The following TOP1 variants were observed in gnomAD, a reference collection of about 807,000 sequenced individuals.
The protein encoded by TOP1 is DNA topoisomerase 1.
TOP1 carries 10 observed loss-of-function variants against 111.1 expected under a neutral mutation model. The ratio of observed to expected loss-of-function variants is 0.09; its 90% CI spans 0.06 to 0.15. The LOEUF (loss-of-function observed/expected upper bound fraction) is 0.15. Ranked by LOEUF, TOP1 falls within the 10% of genes least tolerant of loss-of-function variation. The probability of loss-of-function intolerance (pLI) is 1.00; values close to 1 mark genes in which losing one functional copy is unlikely to be tolerated. For synonymous variants in TOP1, 271 were observed against 302.9 expected (o/e 0.89, Z 1.10); for missense variants, 474 against 926.7 (o/e 0.51, Z 6.34).
intron 2 of TOP1, among the ~76,000 whole-genome samples, chr20:41,052,285 G>A (rs2033415359): frequency 6.6e-6 from 1 of 152,316 alleles, no homozygotes; most frequent in East Asian, 1.9e-4. Flanking sequence ...CCTCTGTGCT[G>A]CTCTGCAGTG....
At chr20:41,088,444 A>G (rs926023716) in intron 8 of TOP1, among the ~76,000 whole-genome samples, 6 of 152,284 alleles carry the variant, frequency 3.9e-5, no homozygotes, top group South Asian at 4.1e-4. Context: ...TGGAGCTTGC[A>G]GTGAGCGGAG....
At position 41,092,665 on chromosome 20, in the gene TOP1, A is replaced by T; in HGVS notation, c.730+78A>T. 1 of 710,598 alleles carries T rather than the reference A, an allele frequency of 1.4e-6. No individual in the cohort carries two copies. The highest frequency in any genetic ancestry group is 1.9e-5 in the South Asian group (1 of 51,864). 44.0% of individuals were successfully genotyped at this position (710,598 alleles called of 1,614,324 possible). On this transcript the variant is annotated intron_variant, in intron 9 of 20. Coordinates refer to ENST00000361337, the MANE Select transcript of TOP1 (RefSeq NM_003286.4). The surrounding 1 kb of genome is among the most constrained non-coding windows in gnomAD (Gnocchi z 4.3). ...ATTTAGGGATAGAAAACAAGGAAGG[A>T]TCCTATGTAATAGATAATCCTTTTT...
chr20:41,029,010 C>A lies in TOP1; in HGVS notation c.-58C>A. 6.7e-7 allele frequency: 1 copy of A among 1,494,102 alleles called. No homozygotes were observed. The highest frequency in any genetic ancestry group is 9.0e-7 in the Non-Finnish European group (1 of 1,110,888). The allele number at this position is 1,494,102 out of a possible 1,614,324, so 92.6% of individuals were successfully genotyped here. Reference sequence around the variant, plus strand: ...CGTCCGCCCGCACAGGCCGGTTCGCCGTCTGCGTCTCCCCCACGCCGCCTC... The same window carrying A: ...CGTCCGCCCGCACAGGCCGGTTCGCAGTCTGCGTCTCCCCCACGCCGCCTC... On this transcript the variant is annotated 5_prime_UTR_variant, in exon 1 of 21. Coordinates refer to ENST00000361337, the MANE Select transcript of TOP1 (RefSeq NM_003286.4). The surrounding 1 kb of genome is among the most constrained non-coding windows in gnomAD (Gnocchi z 6.1).
rs1299799441 is a variant in TOP1, at chr20:41,112,769, T to G, written c.1309-13T>G. On this transcript the variant is annotated splice_polypyrimidine_tract_variant and intron_variant, in intron 13 of 20. Transcript: ENST00000361337. The surrounding 1 kb of genome is among the most constrained non-coding windows in gnomAD (Gnocchi z 5.8). ...TCCCAAAGTAATCTACATTTGGGTT[T>G]GGGTCTTTACAGGGTGAGAAGGACT... 6.2e-7 allele frequency: 1 copy of G among 1,613,928 alleles called. No homozygotes were observed. Among genetic ancestry groups the G allele is most frequent in the Non-Finnish European group, 8.5e-7 (1 of 1,179,880 alleles).
intron 8 of TOP1, among the ~76,000 whole-genome samples, chr20:41,085,176 G>A (rs183376712): frequency 1.6e-4 from 25 of 151,766 alleles, no homozygotes; most frequent in South Asian, 8.3e-4. Context: ...AATATGAAAG[G>A]AATGATCTAA....
In TOP1 at chr20:41,097,423, T is replaced by C; in HGVS notation, c.852+82T>C. 2 of 1,367,108 alleles carry C rather than the reference T, an allele frequency of 1.5e-6. No individual in the cohort carries two copies. 84.7% of individuals were successfully genotyped at this position (1,367,108 alleles called of 1,614,324 possible). A position where few individuals can be genotyped will look rare whatever the true frequency, so the allele number is the denominator to read the frequency against. On this transcript the variant is annotated intron_variant, in intron 10 of 20. Coordinates refer to ENST00000361337, the MANE Select transcript of TOP1 (RefSeq NM_003286.4). This position sits in a 1 kb window ranked among gnomAD's most constrained non-coding sequence, Gnocchi z 4.2. ...TAATAAATTATCATTTTGCAAAACATTTCCTGATGTAAAATTTGAGTTGTA... is the reference window on the plus strand; with the variant it reads ...TAATAAATTATCATTTTGCAAAACACTTCCTGATGTAAAATTTGAGTTGTA...
In TOP1 at chr20:41,029,812, G is replaced by T; in HGVS notation, c.58+357G>T. ...TCTCTCCTCTCCTTTCTGTGCCTGTGTCTCTTTCTCTCCCTCCCTCGGCTC... is the reference window on the plus strand; with the variant it reads ...TCTCTCCTCTCCTTTCTGTGCCTGTTTCTCTTTCTCTCCCTCCCTCGGCTC... On this transcript the variant is annotated intron_variant, in intron 2 of 20. Coordinates refer to ENST00000361337, the MANE Select transcript of TOP1 (RefSeq NM_003286.4). The surrounding 1 kb of genome is among the most constrained non-coding windows in gnomAD (Gnocchi z 6.1). 3.0e-6 allele frequency: 1 copy of T among 337,126 alleles called. No homozygotes were observed. Among genetic ancestry groups the T allele is most frequent in the Non-Finnish European group, 5.6e-6 (1 of 178,482 alleles). 20.9% of individuals were successfully genotyped at this position (337,126 alleles called of 1,614,324 possible). A position where few individuals can be genotyped will look rare whatever the true frequency, so the allele number is the denominator to read the frequency against.
intron 4 of TOP1, 99 bp from the exon 5 acceptor site, chr20:41,077,483 A>G: frequency 1.1e-6 from 1 of 944,610 alleles, no homozygotes; most frequent in Non-Finnish European, 1.7e-6. Context: ...CCAGCTTGTG[A>G]TCATGATGTC....
intron 2 of TOP1, among the ~76,000 whole-genome samples, chr20:41,036,528 A>G (rs1023369399): frequency 1.3e-5 from 2 of 152,238 alleles, no homozygotes; most frequent in African/African-American, 2.4e-5. Flanking sequence ...TGTAAAATGT[A>G]AACTTTGATG....
chr20:41,082,575 G>A lies in TOP1; in HGVS notation c.507+1335G>A, dbSNP rs2145939191. Among the ~76,000 whole-genome samples the A allele has an allele frequency of 6.6e-6, 1 of 152,310 alleles. No homozygotes were observed. The highest frequency in any genetic ancestry group is 1.5e-5 in the Non-Finnish European group (1 of 68,018). ...GCTCTAATTCTGCAAGGAGGGAGAA[G>A]AAAGGTCTTTAATGAAATCATATGA... On this transcript the variant is annotated intron_variant, in intron 7 of 20. Transcript: ENST00000361337. This position sits in a 1 kb window ranked among gnomAD's most constrained non-coding sequence, Gnocchi z 4.1.
At chr20:41,041,068 A>G (rs892691122) in intron 2 of TOP1, among the ~76,000 whole-genome samples, 5 of 152,144 alleles carry the variant, frequency 3.3e-5, no homozygotes, top group African/African-American at 1.2e-4. Context: ...GTCTGCCTGC[A>G]TTACCACGTA....
chr20:41,073,164 C>A, intron 3 of TOP1: 1 of 985,214 alleles, frequency 1.0e-6, no homozygotes, highest in Non-Finnish European at 1.2e-6. Context: ...AGCTGAAAAC[C>A]GCAGGGCTAC....
intron 2 of TOP1, among the ~76,000 whole-genome samples, chr20:41,037,863 C>T (rs1568670265): frequency 6.6e-6 from 1 of 152,172 alleles, no homozygotes. Context: ...AGCATCACAA[C>T]AGGCGCAGAC....
chr20:41,086,121 G>A (rs925602375), intron 8 of TOP1, among the ~76,000 whole-genome samples: 2 of 152,188 alleles, frequency 1.3e-5, no homozygotes, highest in Admixed American at 6.5e-5. Context: ...AAATTAGCCG[G>A]GCGTGGTGGT....
At chr20:41,075,074 G>A (rs932210277) in intron 3 of TOP1, among the ~76,000 whole-genome samples, 1 of 151,996 alleles carries the variant, frequency 6.6e-6, no homozygotes, top group Admixed American at 6.6e-5. Flanking sequence ...CTCTTGTTAG[G>A]TGTATCCAAT....
chr20:41,064,065 T>C (rs1410045540), intron 3 of TOP1, among the ~76,000 whole-genome samples: 2 of 152,236 alleles, frequency 1.3e-5, no homozygotes, highest in Non-Finnish European at 2.9e-5. Context: ...AAGTATTTGA[T>C]TCATCTTGAA....
chr20:41,076,335 A>G, intron 4 of TOP1, 41 bp downstream of exon 4: 1 of 1,568,282 alleles, frequency 6.4e-7, no homozygotes, highest in Non-Finnish European at 8.6e-7. Context: ...ACGTGGATGC[A>G]CTTTTGTTTA....
intron 2 of TOP1, among the ~76,000 whole-genome samples, chr20:41,038,168 A>G (rs1164836592): frequency 1.3e-5 from 2 of 151,976 alleles, no homozygotes; most frequent in Admixed American, 6.6e-5. Flanking sequence ...CCGGCCTCCA[A>G]CCCCCTCTAC....
rs983521198 is a variant in TOP1 at position 41,097,216 on chromosome 20, C to A, written c.731-4C>A. ...TCACTTTTTGGAACCACTTTTTTCTCTAGGTAAAGTCATGAAGCTGAGCCC... is the reference window on the plus strand; with the variant it reads ...TCACTTTTTGGAACCACTTTTTTCTATAGGTAAAGTCATGAAGCTGAGCCC... On this transcript the variant is annotated splice_polypyrimidine_tract_variant and splice_region_variant and intron_variant, in intron 9 of 20. Transcript: ENST00000361337. This position sits in a 1 kb window ranked among gnomAD's most constrained non-coding sequence, Gnocchi z 4.2. 2 of 1,611,288 alleles carry A rather than the reference C, an allele frequency of 1.2e-6. No individual in the cohort carries two copies. The highest frequency in any genetic ancestry group is 2.2e-5 in the South Asian group (2 of 90,516).
Sources: allele counts gnomAD v4.1 joint callset (sites outside exome capture counted in the v4.1 genomes callset), GRCh38; gene constraint gnomAD v4.1.1; non-coding constraint Gnocchi (gnomAD v3.1); transcripts MANE v1.5; gene names NCBI Gene and HGNC (gene_info 2026-07-23, HGNC 2026-07-21).